The following PXDN variants were observed in gnomAD, a reference collection of about 807,000 sequenced individuals.
The protein encoded by PXDN is peroxidasin.
PXDN carries 77 observed loss-of-function variants against 140.3 expected under a neutral mutation model. The observed-to-expected ratio is 0.55, with a 90% confidence interval of 0.46 to 0.66. The LOEUF is 0.66. PXDN is among the 30% of genes least tolerant of loss of function. The pLI is 0.00. For missense variants in PXDN, 1,838 were observed against 2,039.5 expected, an observed-to-expected ratio of 0.90 and a Z score of 1.90; for synonymous variants, 911 against 857.4, an observed-to-expected ratio of 1.06 and a Z score of -1.09.
At chr2:1,654,939 C>A (rs1418135657) in intron 14 of PXDN, among the ~76,000 whole-genome samples, 2 of 152,036 alleles carry the variant, frequency 1.3e-5, no homozygotes, top group African/African-American at 2.4e-5. Flanking sequence ...CTAACCCACT[C>A]CCCTCTTTAA....
At chr2:1,723,230 G>C (rs1293150806) in intron 1 of PXDN, among the ~76,000 whole-genome samples, 3 of 152,100 alleles carry the variant, frequency 2.0e-5, no homozygotes, top group African/African-American at 7.2e-5. Flanking sequence ...AGAATAGATG[G>C]ATGAGTGGTT....
rs371181950 is a variant in PXDN, at chr2:1,632,131, C to T, written c.*2073G>A. The stretch of plus-strand genomic sequence containing the variant: ...TACAGAGAGTATCAAACTGGTGATT[C>T]CGCAGACATTTTGGTTTGAATTACA... On this transcript the variant is annotated 3_prime_UTR_variant, in exon 23 of 23. Coordinates refer to ENST00000252804, the MANE Select transcript of PXDN (RefSeq NM_012293.3). This position sits in a 1 kb window ranked among gnomAD's most constrained non-coding sequence, Gnocchi z 4.3. The T allele has an allele frequency of 5.9e-5, 9 of 152,530 alleles. No homozygotes were observed. Among genetic ancestry groups the T allele is most frequent in the African/African-American group, 2.2e-4 (9 of 41,572 alleles). The allele number at this position is 152,530 out of a possible 1,614,324, so 9.4% of individuals were successfully genotyped here. A position where few individuals can be genotyped will look rare whatever the true frequency, so the allele number is the denominator to read the frequency against.
At chr2:1,705,181 C>A (rs1572176415) in intron 1 of PXDN, among the ~76,000 whole-genome samples, 1 of 151,856 alleles carries the variant, frequency 6.6e-6, no homozygotes, top group Admixed American at 6.6e-5. Flanking sequence ...GAGAGCAGAG[C>A]ATGTCTGCAC....
At chr2:1,666,624 CT>C (rs1683451364) in intron 9 of PXDN, 138 bp from the exon 10 acceptor site, 4 of 1,170,704 alleles carry the variant, frequency 3.4e-6, no homozygotes, top group Admixed American at 2.9e-5. Context: ...TGCATATTTT[CT>C]TTTTAAAGAA....
chr2:1,737,049 G>A (rs568635576), intron 1 of PXDN, among the ~76,000 whole-genome samples: 8 of 152,318 alleles, frequency 5.3e-5, no homozygotes, highest in African/African-American at 9.6e-5. Flanking sequence ...CTGCTTTCCC[G>A]TAAACACCCT....
At chr2:1,715,247 G>A (rs1684867962) in intron 1 of PXDN, among the ~76,000 whole-genome samples, 1 of 152,138 alleles carries the variant, frequency 6.6e-6, no homozygotes, top group Non-Finnish European at 1.5e-5. Flanking sequence ...GGGGTCATGA[G>A]AGGGGAAAGA....
chr2:1,681,787 G>T (rs961072080), intron 6 of PXDN, among the ~76,000 whole-genome samples: 1 of 152,228 alleles, frequency 6.6e-6, no homozygotes, highest in Non-Finnish European at 1.5e-5. Flanking sequence ...ACAGGCACAT[G>T]CAAGACCCAG....
In PXDN at chr2:1,692,513, A is replaced by G. The variant is rs1166738537; in HGVS notation, c.273-514T>C. Reference sequence around the variant, plus strand: ...CGGCCCAGACAGTCCCACAGTCCCCATGACCCTGCTCTTACACCGTTGTGC... The same window carrying G: ...CGGCCCAGACAGTCCCACAGTCCCCGTGACCCTGCTCTTACACCGTTGTGC... On this transcript the variant is annotated intron_variant, in intron 2 of 22. Transcript: ENST00000252804. 3 of 471,652 alleles carry G rather than the reference A, an allele frequency of 6.4e-6. No individual in the cohort carries two copies. The Admixed American group carries it at 7.0e-5, about 11-fold the overall frequency. The allele number at this position is 471,652 out of a possible 1,614,324, so 29.2% of individuals were successfully genotyped here.
intron 1 of PXDN, among the ~76,000 whole-genome samples, chr2:1,694,816 C>T (rs1365322629): frequency 3.3e-5 from 5 of 152,278 alleles, no homozygotes; most frequent in South Asian, 4.1e-4. Context: ...TCACTCCATA[C>T]GGAAGACACA....
At chr2:1,675,981 G>C (rs898858070) in intron 8 of PXDN, among the ~76,000 whole-genome samples, 1 of 152,180 alleles carries the variant, frequency 6.6e-6, no homozygotes, top group Non-Finnish European at 1.5e-5. Context: ...GAGAAGGTAG[G>C]ACATGGTGGC....
chr2:1,722,763 A>C (rs1029793345), intron 1 of PXDN, among the ~76,000 whole-genome samples: 4 of 152,218 alleles, frequency 2.6e-5, no homozygotes, highest in African/African-American at 9.6e-5. Context: ...GGAGGGGGGT[A>C]CGAGGAAGCA....
chr2:1,721,564 C>T (rs1030170063), intron 1 of PXDN, among the ~76,000 whole-genome samples: 3 of 152,180 alleles, frequency 2.0e-5, no homozygotes, highest in Non-Finnish European at 4.4e-5. Context: ...TGGCCGGGTG[C>T]GGTGGCTCAC....
In PXDN at chr2:1,649,714, T is replaced by C; in HGVS notation, c.2105-39A>G. 6.2e-7 allele frequency: 1 copy of C among 1,607,402 alleles called. No homozygotes were observed. Among genetic ancestry groups the C allele is most frequent in the Non-Finnish European group, 8.5e-7 (1 of 1,174,720 alleles). ...AAAAGCAAGACGCACTCAATTCCCC[T>C]GGAGGATGTGTGAGGGCCCGGTACC... On this transcript the variant is annotated intron_variant, in intron 16 of 22. Transcript: ENST00000252804. The surrounding 1 kb of genome is among the most constrained non-coding windows in gnomAD (Gnocchi z 7.1).
Position 1,720,752 on chromosome 2 carries a change from ACG to A in PXDN, c.200+23502_200+23503del, listed in dbSNP as rs1491562226. 6.9e-3 allele frequency among the ~76,000 whole-genome samples: 1,037 copies of A among 150,586 alleles called. 10 individuals carry two copies. The highest frequency in any genetic ancestry group is 0.023 in the African/African-American group (940 of 40,584). On this transcript the variant is annotated intron_variant, in intron 1 of 22. Coordinates refer to ENST00000252804, the MANE Select transcript of PXDN (RefSeq NM_012293.3). Reference sequence around the variant, plus strand: ...CACACACACACACACACACACACACACGTACACATATCCTGTGGTTTCCATTT... The same window carrying A: ...CACACACACACACACACACACACACATACACATATCCTGTGGTTTCCATTT...
At position 1,654,352 on chromosome 2, in the gene PXDN, C is replaced by G. The variant is rs758838672; in HGVS notation, c.1946+48G>C. Reference sequence around the variant, plus strand: ...TTCTTTAATCACTCCCACCTTCACCCTAAAGCTCAGTGATTTGAGGGTCAG... The same window carrying G: ...TTCTTTAATCACTCCCACCTTCACCGTAAAGCTCAGTGATTTGAGGGTCAG... On this transcript the variant is annotated intron_variant, in intron 15 of 22. Transcript: ENST00000252804. 3 of 1,399,654 alleles carry G rather than the reference C, an allele frequency of 2.1e-6. No homozygotes were observed. In the Admixed American group the frequency reaches 5.1e-5, roughly 24 times the overall value. 86.7% of individuals were successfully genotyped at this position (1,399,654 alleles called of 1,614,324 possible).
chr2:1,652,665 A>G (rs1323350143), intron 16 of PXDN, among the ~76,000 whole-genome samples: 1 of 151,850 alleles, frequency 6.6e-6, no homozygotes, highest in East Asian at 1.9e-4. Flanking sequence ...ACAGCTTCAC[A>G]TTGGCTGGTG....
At chr2:1,710,752 C>T (rs1572182132) in intron 1 of PXDN, among the ~76,000 whole-genome samples, 2 of 104,916 alleles carry the variant, frequency 1.9e-5, no homozygotes, top group Admixed American at 1.9e-4. Context: ...ACCCACTCCA[C>T]CAGCACCCAC....
At chr2:1,710,305 G>A (rs1365700569) in intron 1 of PXDN, among the ~76,000 whole-genome samples, 2 of 152,180 alleles carry the variant, frequency 1.3e-5, no homozygotes, top group Non-Finnish European at 2.9e-5. Context: ...TCAGGAACTT[G>A]CTCAAGTCTG....
At chr2:1,635,165 G>A (rs535910332) in intron 22 of PXDN, among the ~76,000 whole-genome samples, 2 of 147,798 alleles carry the variant, frequency 1.4e-5, no homozygotes, top group Admixed American at 7.0e-5. Context: ...GCACAGAGTA[G>A]GGGCTGCCCG....
Sources: gnomAD v4.1 joint callset for allele counts (sites outside exome capture counted in the v4.1 genomes callset) on GRCh38, gnomAD v4.1.1 for gene constraint, Gnocchi (gnomAD v3.1) non-coding constraint, MANE v1.5 for transcripts, NCBI Gene and HGNC (gene_info 2026-07-23, HGNC 2026-07-21) for gene names.